Variants in KIF5A observed in about 807,000 individuals in gnomAD.
KIF5A encodes kinesin heavy chain isoform 5A.
KIF5A carries 35 observed loss-of-function variants against 141.3 expected under a neutral mutation model. The observed-to-expected ratio is 0.25, with a 90% CI of 0.19 to 0.33. The LOEUF (loss-of-function observed/expected upper bound fraction) is 0.33. KIF5A is among the 10% of genes least tolerant of loss of function. The pLI is 1.00. For missense variants in KIF5A, 861 were observed against 1,314.3 expected (o/e 0.66, Z 5.33); for synonymous variants, 448 against 500.2 (o/e 0.90, Z 1.39).
chr12:57,556,086 A>G (rs2140154113), intron 1 of KIF5A, among the ~76,000 whole-genome samples: 1 of 152,040 alleles, frequency 6.6e-6, no homozygotes, highest in Middle Eastern at 3.4e-3. Flanking sequence ...ATCTCATGTC[A>G]CATGGCTTTC....
intron 1 of KIF5A, among the ~76,000 whole-genome samples, chr12:57,556,201 C>T (rs1407169191): frequency 2.0e-5 from 3 of 151,254 alleles, no homozygotes; most frequent in African/African-American, 7.3e-5. Flanking sequence ...TGCAGTGGCG[C>T]GATCTCGGCT....
At chr12:57,567,663 T>C in intron 8 of KIF5A, 45 bp downstream of exon 8, 6 of 654,612 alleles carry the variant, frequency 9.2e-6, no homozygotes, top group Non-Finnish European at 1.3e-5. Flanking sequence ...CCTTGGCTCT[T>C]TTTTTTTTTT....
intron 23 of KIF5A, among the ~76,000 whole-genome samples, chr12:57,580,624 A>T (rs1882565824): frequency 6.6e-6 from 1 of 151,968 alleles, no homozygotes. Context: ...ATGCTGGGAG[A>T]TGTGGGGGAA....
At chr12:57,557,688 CTT>C (rs1228040316) in intron 1 of KIF5A, among the ~76,000 whole-genome samples, 1 of 151,478 alleles carries the variant, frequency 6.6e-6, no homozygotes, top group East Asian at 1.9e-4. Flanking sequence ...TTTTACATAA[CTT>C]TATTATTTTA....
rs765095816 is a variant in KIF5A, at chr12:57,577,790, T to A, written c.2361+17T>A. The A allele has an allele frequency of 6.2e-7, 1 of 1,606,786 alleles. No individual in the cohort carries two copies. The highest frequency in any genetic ancestry group is 2.2e-5 in the East Asian group (1 of 44,844). On this transcript the variant is annotated intron_variant, in intron 21 of 28. Transcript: ENST00000455537. ...GAGACAGTTGTGAGTGGTTCCCTTC[T>A]GTGCCAAATTCACAGGACTGGGGAG...
At chr12:57,551,685 A>G (rs550688572) in intron 1 of KIF5A, among the ~76,000 whole-genome samples, 1 of 152,220 alleles carries the variant, frequency 6.6e-6, no homozygotes, top group African/African-American at 2.4e-5. Flanking sequence ...GGCACAGAGC[A>G]CCTGGACACA....
At chr12:57,559,545 A>G (rs1032217754) in intron 1 of KIF5A, among the ~76,000 whole-genome samples, 1 of 152,176 alleles carries the variant, frequency 6.6e-6, no homozygotes, top group Non-Finnish European at 1.5e-5. Flanking sequence ...TATGATAGTG[A>G]TATAATTTAC....
At chr12:57,577,381 G>A (rs544896349) in intron 20 of KIF5A, among the ~76,000 whole-genome samples, 8 of 152,288 alleles carry the variant, frequency 5.3e-5, no homozygotes, top group South Asian at 4.1e-4. Flanking sequence ...GACTGCTTGA[G>A]CTCAGTAGTT....
At chr12:57,581,767 G>T in intron 25 of KIF5A, 103 bp from the exon 26 acceptor site, 1 of 1,275,882 alleles carries the variant, frequency 7.8e-7, no homozygotes, top group African/African-American at 1.5e-5. Flanking sequence ...TGGGGATGGG[G>T]AGGGCTGAGC....
At position 57,572,034 on chromosome 12, in the gene KIF5A, C is replaced by T. The variant is rs754147377; in HGVS notation, c.1363-27C>T. 8 of 1,596,806 alleles carry T rather than the reference C, an allele frequency of 5.0e-6. No homozygotes were observed. Among genetic ancestry groups the T allele is most frequent in the Non-Finnish European group, 6.9e-6 (8 of 1,167,092 alleles). ...GAAATGGTCACTGGCAGTGATCTTT[C>T]CCACATGCCACTCCTCTCCCTTGAA... On this transcript the variant is annotated intron_variant, in intron 13 of 28. Coordinates refer to ENST00000455537, the MANE Select transcript of KIF5A (RefSeq NM_004984.4). This position sits in a 1 kb window ranked among gnomAD's most constrained non-coding sequence, Gnocchi z 4.2.
At chr12:57,553,994 T>C (rs1415635697) in intron 1 of KIF5A, among the ~76,000 whole-genome samples, 1 of 152,112 alleles carries the variant, frequency 6.6e-6, no homozygotes, top group African/African-American at 2.4e-5. Context: ...GTGGCAGAAT[T>C]ACATACTTCT....
chr12:57,567,729 C>T (rs1882112385), intron 8 of KIF5A, 111 bp downstream of exon 8: 9 of 1,134,282 alleles, frequency 7.9e-6, no homozygotes, highest in Non-Finnish European at 1.1e-5. Flanking sequence ...GGCACGATCT[C>T]TGTTCACTGC....
In KIF5A at chr12:57,564,558, AG is replaced by A. The variant is rs1882006360; in HGVS notation, c.445+51del. On this transcript the variant is annotated intron_variant, in intron 5 of 28. Coordinates refer to ENST00000455537, the MANE Select transcript of KIF5A (RefSeq NM_004984.4). ...AGGGTGTGTGAGGAGGGTGGAGAAA[AG>A]AAAGCTCACATTGCATTTGGAATTA... The A allele has an allele frequency of 2.1e-6, 3 of 1,400,826 alleles. No individual in the cohort carries two copies. The African/African-American group carries it at 4.2e-5, about 20-fold the overall frequency. 86.8% of individuals were successfully genotyped at this position (1,400,826 alleles called of 1,614,324 possible).
intron 11 of KIF5A, 64 bp downstream of exon 11, chr12:57,569,747 C>T: frequency 6.3e-7 from 1 of 1,596,620 alleles, no homozygotes; most frequent in Non-Finnish European, 8.5e-7. Context: ...TGGGAGCCAA[C>T]TCTGTTTGGG....
At chr12:57,568,869 TC>T in intron 8 of KIF5A, 93 bp from the exon 9 acceptor site, 1 of 805,934 alleles carries the variant, frequency 1.2e-6, no homozygotes, top group Non-Finnish European at 2.1e-6. Context: ...CCCTGTTCCT[TC>T]CTTCCTCCGT....
chr12:57,570,352 A>G (rs566193390), intron 12 of KIF5A, among the ~76,000 whole-genome samples, 190 bp downstream of exon 12: 3 of 152,284 alleles, frequency 2.0e-5, no homozygotes, highest in Admixed American at 6.5e-5. Context: ...AACACTCAAC[A>G]TTTTGCTTTT....
chr12:57,575,340 A>G, intron 16 of KIF5A, 68 bp downstream of exon 16: 1 of 1,473,406 alleles, frequency 6.8e-7, no homozygotes. Context: ...GGTTATGGCT[A>G]AAACTCCTAA....
intron 8 of KIF5A, 79 bp downstream of exon 8, chr12:57,567,697 G>A: frequency 1.4e-6 from 2 of 1,444,728 alleles, no homozygotes; most frequent in Non-Finnish European, 1.8e-6. Context: ...GTCTCACTCT[G>A]TCGCCCGGGC....
chr12:57,562,478 A>G (rs59108938), intron 1 of KIF5A, among the ~76,000 whole-genome samples: 3,774 of 152,312 alleles, frequency 0.025, 154 homozygotes, highest in African/African-American at 0.081. Flanking sequence ...GGCCTCCCAA[A>G]GTGCTGGGAT....
Sources: gnomAD v4.1 joint callset for allele counts (sites outside exome capture counted in the v4.1 genomes callset) on GRCh38, gnomAD v4.1.1 for gene constraint, Gnocchi (gnomAD v3.1) non-coding constraint, MANE v1.5 for transcripts, NCBI Gene and HGNC (gene_info 2026-07-23, HGNC 2026-07-21) for gene names.